XKR9: variants seen among roughly 807,000 people sequenced by gnomAD.
The protein encoded by XKR9 is XK related 9.
XKR9 carries 32 observed loss-of-function variants against 32.0 expected under a neutral mutation model. The observed-to-expected ratio is 1.00, with a 90% CI of 0.76 to 1.34. The LOEUF (loss-of-function observed/expected upper bound fraction) is 1.34, where lower values mean the gene tolerates loss of function less well. XKR9 is among the 40% of genes most tolerant of loss of function. XKR9 has a pLI of 0.00. For synonymous variants in XKR9, 168 were observed against 143.4 expected (o/e 1.17, Z -1.22); for missense variants, 546 against 429.7 (o/e 1.27, Z -2.39).
At chr8:70,794,722 A>T (rs1039044204), downstream of XKR9, among the ~76,000 whole-genome samples, 7 of 151,592 alleles carry the variant, frequency 4.6e-5, no homozygotes, top group Admixed American at 4.6e-4. Flanking sequence ...GGTGTCTTAT[A>T]TGGTGTCTAC....
chr8:70,898,692 AAC>A, the XKR9 span, among the ~76,000 whole-genome samples: 2 of 152,162 alleles, frequency 1.3e-5, no homozygotes, highest in Admixed American at 1.3e-4. Flanking sequence ...AACATACTTT[AAC>A]ATTTCTCTTT....
intron 2 of XKR9, among the ~76,000 whole-genome samples, chr8:70,780,461 G>T (rs1251190741): frequency 6.6e-6 from 1 of 151,926 alleles, no homozygotes; most frequent in East Asian, 1.9e-4. Context: ...TACTTTCTAA[G>T]TTCCTTATGA....
intron 2 of XKR9, among the ~76,000 whole-genome samples, chr8:70,744,013 T>C (rs1020724429): frequency 6.6e-6 from 1 of 152,128 alleles, no homozygotes; most frequent in Non-Finnish European, 1.5e-5. Context: ...CTTATTAATC[T>C]ATAACATTTT....
the XKR9 span, among the ~76,000 whole-genome samples, chr8:70,954,020 T>C: frequency 6.6e-6 from 1 of 151,786 alleles, no homozygotes; most frequent in Non-Finnish European, 1.5e-5. Flanking sequence ...GGATGGAAAG[T>C]GGAAATGTGG....
intron 2 of XKR9, among the ~76,000 whole-genome samples, chr8:70,747,683 A>G (rs184188645): frequency 1.3e-5 from 2 of 152,326 alleles, no homozygotes; most frequent in Non-Finnish European, 2.9e-5. Context: ...CAGAAAACAG[A>G]TTAAGATAGA....
At chr8:70,723,564 C>G (rs116472338) in intron 4 of XKR9, among the ~76,000 whole-genome samples, 3,318 of 152,278 alleles carry the variant, frequency 0.022, 134 homozygotes, top group African/African-American at 0.076. Context: ...TTTTAACAGT[C>G]AGGCCCCTCT....
chr8:70,812,604 C>A, the XKR9 span, among the ~76,000 whole-genome samples: 1 of 152,146 alleles, frequency 6.6e-6, no homozygotes, highest in East Asian at 1.9e-4. Flanking sequence ...TCTCAGGATA[C>A]AAAATCAATG....
chr8:71,025,811 A>G, the XKR9 span, among the ~76,000 whole-genome samples: 1 of 152,140 alleles, frequency 6.6e-6, no homozygotes, highest in South Asian at 2.1e-4. Context: ...CTCTCCTTGA[A>G]GCTAACTCTA....
At chr8:70,744,430 TC>T (rs1038320818) in intron 2 of XKR9, among the ~76,000 whole-genome samples, 38 of 152,188 alleles carry the variant, frequency 2.5e-4, no homozygotes, top group Non-Finnish European at 3.2e-4. Context: ...GATATTATTA[TC>T]ATCACTACCC....
intron 4 of XKR9, among the ~76,000 whole-genome samples, chr8:70,707,850 T>A (rs929820343): frequency 5.7e-4 from 86 of 152,188 alleles, no homozygotes; most frequent in African/African-American, 2.0e-3. Flanking sequence ...ATTTCCATCT[T>A]CCTTTTTGAA....
At chr8:71,063,009 T>TA in the XKR9 span, among the ~76,000 whole-genome samples, 1 of 152,180 alleles carries the variant, frequency 6.6e-6, no homozygotes, top group African/African-American at 2.4e-5. Context: ...TTCTTGCACT[T>TA]ACACACACCT....
intron 4 of XKR9, among the ~76,000 whole-genome samples, chr8:70,714,972 A>G (rs1455865958): frequency 6.6e-6 from 1 of 152,178 alleles, no homozygotes; most frequent in Non-Finnish European, 1.5e-5. Context: ...TGTAATGTAG[A>G]GGTTAGGGCA....
the XKR9 span, among the ~76,000 whole-genome samples, chr8:70,812,814 C>T: frequency 6.6e-6 from 1 of 152,164 alleles, no homozygotes; most frequent in Non-Finnish European, 1.5e-5. Flanking sequence ...AATGGAAGAA[C>T]ATTCCATGCT....
intron 3 of XKR9, among the ~76,000 whole-genome samples, chr8:70,706,663 TCA>T (rs1805727087): frequency 6.6e-6 from 1 of 152,062 alleles, no homozygotes; most frequent in South Asian, 2.1e-4. Flanking sequence ...TCTCCTTTTC[TCA>T]CATAATTATT....
At chr8:70,679,785 T>C (rs935982949) in intron 2 of XKR9, among the ~76,000 whole-genome samples, 13 of 152,296 alleles carry the variant, frequency 8.5e-5, no homozygotes, top group Non-Finnish European at 2.9e-5. Context: ...ATAGTAATAA[T>C]AATAGTAGAA....
chr8:70,818,192 ATTTAT>A, the XKR9 span, among the ~76,000 whole-genome samples: 118 of 131,568 alleles, frequency 9.0e-4, 1 homozygote, highest in East Asian at 3.7e-3. Context: ...TTTTTTGTTT[ATTTAT>A]TTTTTTTTTT....
At chr8:70,818,257 T>C in the XKR9 span, among the ~76,000 whole-genome samples, 1 of 152,092 alleles carries the variant, frequency 6.6e-6, no homozygotes, top group Non-Finnish European at 1.5e-5. Context: ...AGTTTCAGGT[T>C]AAATTCTTAT....
intron 1 of XKR9, chr8:70,670,423 C>T (rs578155534): frequency 1.3e-5 from 2 of 152,248 alleles, no homozygotes; most frequent in African/African-American, 4.8e-5. Flanking sequence ...TACACAGATC[C>T]TGTAGACAGT....
rs368465601 is a variant in XKR9 at position 70,706,892 on chromosome 8, G to T, written c.273-41G>T. On this transcript the variant is annotated intron_variant, in intron 3 of 4. Coordinates refer to ENST00000408926, the MANE Select transcript of XKR9 (RefSeq NM_001011720.2). ...TGTGTATTAACAGACATGTTACAAA[G>T]AATATAAAACTAAAGAGAAATGTTT... is the stretch of plus-strand genomic sequence containing the variant. 3.6e-5 allele frequency: 53 copies of T among 1,491,398 alleles called. No individual in the cohort carries two copies. The African/African-American group carries it at 6.9e-4, about 19-fold the overall frequency. 92.4% of individuals were successfully genotyped at this position (1,491,398 alleles called of 1,614,324 possible).
Sources: allele counts gnomAD v4.1 joint callset (sites outside exome capture counted in the v4.1 genomes callset), GRCh38; gene constraint gnomAD v4.1.1; transcripts MANE v1.5; gene names NCBI Gene and HGNC (gene_info 2026-07-23, HGNC 2026-07-21).